DOCK2: variants seen among roughly 807,000 people sequenced by gnomAD.
DOCK2 encodes dedicator of cytokinesis 2, also known as dedicator of cytokinesis protein 2.
In DOCK2, 87 loss-of-function variants were observed where a neutral mutation model predicts 248.9. That is an observed-to-expected ratio of 0.35 (90% CI 0.29 to 0.42). The LOEUF (loss-of-function observed/expected upper bound fraction) is 0.42. DOCK2 is among the 10% of genes least tolerant of loss of function. The pLI is 1.00. For missense variants in DOCK2, 1,747 were observed against 2,300.2 expected (o/e 0.76, Z 4.92); for synonymous variants, 805 against 821.6 (o/e 0.98, Z 0.35).
intron 39 of DOCK2, among the ~76,000 whole-genome samples, chr5:170,047,117 A>G (rs573123994): frequency 2.6e-5 from 4 of 152,334 alleles, no homozygotes; most frequent in African/African-American, 9.6e-5. Context: ...TTCATTCCAT[A>G]GCCTCACAAA....
chr5:169,650,601 C>T (rs78003709), intron 1 of DOCK2, among the ~76,000 whole-genome samples: 65 of 152,278 alleles, frequency 4.3e-4, no homozygotes, highest in African/African-American at 1.3e-3. Flanking sequence ...TCAGTGGATT[C>T]GATTTCCAGG....
chr5:169,978,279 C>T (rs1281955577), intron 27 of DOCK2, among the ~76,000 whole-genome samples: 1 of 151,368 alleles, frequency 6.6e-6, no homozygotes, highest in East Asian at 2.0e-4. Flanking sequence ...CACCCATGCC[C>T]CTCGCCCCTA....
intron 27 of DOCK2, among the ~76,000 whole-genome samples, chr5:169,919,751 T>C (rs556975341): frequency 2.6e-5 from 4 of 152,210 alleles, no homozygotes; most frequent in South Asian, 2.1e-4. Context: ...AACCTGCTAA[T>C]GTGGGGGCAA....
chr5:169,770,530 G>T (rs1466280562), intron 25 of DOCK2, among the ~76,000 whole-genome samples: 1 of 152,016 alleles, frequency 6.6e-6, no homozygotes, highest in Non-Finnish European at 1.5e-5. Context: ...AGACCCCTGG[G>T]CTTAAGTGAT....
chr5:170,059,524 T>A (rs962141697), intron 44 of DOCK2, among the ~76,000 whole-genome samples: 4 of 152,186 alleles, frequency 2.6e-5, no homozygotes, highest in African/African-American at 9.7e-5. Context: ...AGCTACTGTG[T>A]GTCAGCCCAA....
intron 26 of DOCK2, among the ~76,000 whole-genome samples, chr5:169,822,152 C>A (rs933014830): frequency 2.6e-5 from 4 of 152,180 alleles, no homozygotes; most frequent in Non-Finnish European, 5.9e-5. Context: ...GACTTAGACT[C>A]CCACACAATA....
intron 1 of DOCK2, among the ~76,000 whole-genome samples, chr5:169,643,909 G>C (rs928875591): frequency 6.6e-6 from 1 of 152,190 alleles, no homozygotes; most frequent in Non-Finnish European, 1.5e-5. Context: ...CAGCAGCAGG[G>C]CCATCCCAGT....
intron 1 of DOCK2, among the ~76,000 whole-genome samples, chr5:169,645,192 C>T (rs961570057): frequency 2.0e-5 from 3 of 152,242 alleles, no homozygotes; most frequent in South Asian, 4.1e-4. Context: ...TGGTATTTCT[C>T]GTTCTAGATC....
At position 169,660,260 on chromosome 5, in the gene DOCK2, G is replaced by A. The variant is rs561378036; in HGVS notation, c.127+5774G>A. Among the ~76,000 whole-genome samples, 14 of 152,220 alleles carry A rather than the reference G, an allele frequency of 9.2e-5. No homozygotes were observed. In the South Asian group the frequency reaches 2.7e-3, roughly 29 times the overall value. ...GACGTGAGAGAATTGCTTGAGCCCA[G>A]GAGTTCGAGGCTGCAGTGAGGCATG... On this transcript the variant is annotated intron_variant, in intron 2 of 51. Coordinates refer to ENST00000520908, the MANE Select transcript of DOCK2 (RefSeq NM_004946.3).
intron 14 of DOCK2, among the ~76,000 whole-genome samples, chr5:169,703,148 G>C (rs1354542398): frequency 6.6e-6 from 1 of 152,096 alleles, no homozygotes; most frequent in Non-Finnish European, 1.5e-5. Context: ...AAGAAAATCA[G>C]CTCTCAGGAG....
chr5:170,013,241 G>A (rs1309571057), intron 32 of DOCK2, among the ~76,000 whole-genome samples: 2 of 151,986 alleles, frequency 1.3e-5, no homozygotes, highest in Non-Finnish European at 2.9e-5. Flanking sequence ...TAGGAAATGG[G>A]ATTAGTGTGG....
intron 34 of DOCK2, 28 bp downstream of exon 34, chr5:170,027,976 C>T (rs1242947791): frequency 1.3e-6 from 2 of 1,595,254 alleles, no homozygotes; most frequent in Non-Finnish European, 1.7e-6. Flanking sequence ...TGTGTAGGAA[C>T]AGCCTGTGAA....
chr5:169,891,270 T>C (rs1036815777), intron 27 of DOCK2, among the ~76,000 whole-genome samples: 2 of 152,208 alleles, frequency 1.3e-5, no homozygotes, highest in African/African-American at 4.8e-5. Context: ...TCCGTGTCCC[T>C]CTGTGCAGCA....
chr5:169,642,857 C>T (rs1338247841), intron 1 of DOCK2, among the ~76,000 whole-genome samples: 1 of 152,198 alleles, frequency 6.6e-6, no homozygotes, highest in Non-Finnish European at 1.5e-5. Context: ...TCTGCTTCCT[C>T]CTGAGATCAG....
chr5:169,990,096 TTTTC>T (rs1477045512), intron 29 of DOCK2, among the ~76,000 whole-genome samples: 2 of 151,594 alleles, frequency 1.3e-5, no homozygotes, highest in Admixed American at 6.6e-5. Context: ...ATGTTTTTTT[TTTTC>T]TTCTTCTTTT....
At chr5:169,781,775 G>A (rs749277754) in intron 25 of DOCK2, among the ~76,000 whole-genome samples, 1 of 152,026 alleles carries the variant, frequency 6.6e-6, no homozygotes, top group Non-Finnish European at 1.5e-5. Context: ...CCTTCTCCAC[G>A]CCCCCTCTCC....
rs1379284351 is a variant in DOCK2 at position 169,929,524 on chromosome 5, C to T, written c.2800-53544C>T. On this transcript the variant is annotated intron_variant, in intron 27 of 51. Transcript: ENST00000520908. ...GGCTGAGGGGGGAGGATTGCTTGAG[C>T]CCAGTAGTTTGAAAACAGCCTGGGC... Among the ~76,000 whole-genome samples, 4 of 151,982 alleles carry T rather than the reference C, an allele frequency of 2.6e-5. No homozygotes were observed. In the East Asian group the frequency reaches 7.7e-4, roughly 29 times the overall value.
chr5:169,719,070 T>C (rs1401202881), intron 22 of DOCK2, among the ~76,000 whole-genome samples: 1 of 152,252 alleles, frequency 6.6e-6, no homozygotes, highest in Admixed American at 6.5e-5. Flanking sequence ...TTCATTTGAT[T>C]TGAAATATGG....
intron 27 of DOCK2, among the ~76,000 whole-genome samples, chr5:169,967,684 T>C (rs965518117): frequency 2.6e-5 from 4 of 152,196 alleles, no homozygotes; most frequent in Admixed American, 2.6e-4. Flanking sequence ...ACAGGGAGAA[T>C]TGATTAGAGG....
Sources: gnomAD v4.1 joint callset for allele counts (sites outside exome capture counted in the v4.1 genomes callset) on GRCh38, gnomAD v4.1.1 for gene constraint, MANE v1.5 for transcripts, NCBI Gene and HGNC (gene_info 2026-07-23, HGNC 2026-07-21) for gene names.